The following KIAA1217 variants were observed in gnomAD, a reference collection of about 807,000 sequenced individuals.
KIAA1217 encodes sickle tail protein homolog.
A neutral mutation model predicts 163.9 loss-of-function variants in KIAA1217; 88 were observed. The ratio of observed to expected loss-of-function variants is 0.54; its 90% confidence interval spans 0.45 to 0.64. The LOEUF is 0.64. Ranked by LOEUF, KIAA1217 falls within the 30% of genes least tolerant of loss-of-function variation. The pLI, the probability that KIAA1217 is intolerant of heterozygous loss-of-function variation, is 0.00. For synonymous variants in KIAA1217, 903 were observed against 923.1 expected, an observed-to-expected ratio of 0.98 and a Z score of 0.39; for missense variants, 2,372 against 2,475.0, an observed-to-expected ratio of 0.96 and a Z score of 0.88.
chr10:23,830,956 G>A (rs1297051427), intron 1 of KIAA1217, among the ~76,000 whole-genome samples: 1 of 152,072 alleles, frequency 6.6e-6, no homozygotes, highest in African/African-American at 2.4e-5. Flanking sequence ...CAGGTATTGA[G>A]TATGACACAG....
chr10:23,852,051 A>G (rs1839369199), intron 1 of KIAA1217, among the ~76,000 whole-genome samples: 3 of 151,782 alleles, frequency 2.0e-5, no homozygotes, highest in East Asian at 1.9e-4. Flanking sequence ...GGCTTTTGTT[A>G]CCATTCCTTT....
chr10:24,134,686 A>G (rs901947821), intron 2 of KIAA1217, among the ~76,000 whole-genome samples: 2 of 152,072 alleles, frequency 1.3e-5, no homozygotes, highest in Non-Finnish European at 2.9e-5. Context: ...CGATCCTCCT[A>G]TCTTAGCCTC....
intron 2 of KIAA1217, among the ~76,000 whole-genome samples, chr10:24,283,903 T>TC (rs2078249147): frequency 7.6e-6 from 1 of 131,290 alleles, no homozygotes; most frequent in African/African-American, 2.7e-5. Context: ...TCTTTTCTTT[T>TC]CCTTTATTTT....
At chr10:23,890,837 G>A (rs1183203730) in intron 1 of KIAA1217, among the ~76,000 whole-genome samples, 1 of 151,902 alleles carries the variant, frequency 6.6e-6, no homozygotes, top group Non-Finnish European at 1.5e-5. Context: ...ACTACTAACA[G>A]AGCAATAATA....
At position 23,751,809 on chromosome 10, in the gene KIAA1217, T is replaced by G. The variant is rs190337124; in HGVS notation, c.-321+56575T>G. On this transcript the variant is annotated intron_variant, in intron 1 of 18. Coordinates refer to the KIAA1217 transcript ENST00000376462. ...GTGAGATTATCTGTCTTGAAGATAT[T>G]TGTGACTAATTACAAGCAGTGTAAC... 2.9e-4 allele frequency among the ~76,000 whole-genome samples: 44 copies of G among 152,302 alleles called. 1 individual carries two copies. Among genetic ancestry groups the G allele is most frequent in the Admixed American group, 1.6e-3 (25 of 15,302 alleles).
At chr10:24,017,125 T>C (rs1847519285) in intron 2 of KIAA1217, among the ~76,000 whole-genome samples, 1 of 150,390 alleles carries the variant, frequency 6.6e-6, no homozygotes, top group East Asian at 2.0e-4. Context: ...ACAGCATAGG[T>C]CACTACAGCC....
intron 16 of KIAA1217, among the ~76,000 whole-genome samples, chr10:24,534,138 T>C (rs1466646894): frequency 1.3e-5 from 2 of 152,156 alleles, no homozygotes; most frequent in African/African-American, 4.8e-5. Flanking sequence ...TTCTTTGGAG[T>C]AGGGAGAATT....
At chr10:24,193,841 CACACAA>C (rs1443103759) in intron 2 of KIAA1217, among the ~76,000 whole-genome samples, 100 of 121,350 alleles carry the variant, frequency 8.2e-4, no homozygotes, top group African/African-American at 2.7e-3. Context: ...CACACACACA[CACACAA>C]AGCAGTCACG....
chr10:24,243,882 G>T (rs925926855), intron 2 of KIAA1217, among the ~76,000 whole-genome samples: 1 of 152,074 alleles, frequency 6.6e-6, no homozygotes, highest in African/African-American at 2.4e-5. Context: ...ACACTTAATT[G>T]TCGTAGCGTT....
intron 2 of KIAA1217, among the ~76,000 whole-genome samples, chr10:24,034,322 C>T (rs1239414230): frequency 6.6e-6 from 1 of 151,910 alleles, no homozygotes; most frequent in African/African-American, 2.4e-5. Flanking sequence ...ACTTTGGGAG[C>T]CCAAGGTGGG....
chr10:24,277,046 G>A (rs981214702), intron 2 of KIAA1217, among the ~76,000 whole-genome samples: 1 of 152,148 alleles, frequency 6.6e-6, no homozygotes, highest in Non-Finnish European at 1.5e-5. Flanking sequence ...GATGTGAGCT[G>A]CCATGCCTGG....
intron 2 of KIAA1217, among the ~76,000 whole-genome samples, chr10:24,342,646 A>G (rs2047232254): frequency 7.0e-6 from 1 of 142,318 alleles, no homozygotes; most frequent in Non-Finnish European, 1.5e-5. Flanking sequence ...ATGCAGATAC[A>G]ACTCAATTTT....
At chr10:23,758,378 G>T (rs1588733233) in intron 1 of KIAA1217, among the ~76,000 whole-genome samples, 1 of 152,122 alleles carries the variant, frequency 6.6e-6, no homozygotes, top group South Asian at 2.1e-4. Flanking sequence ...ATATGCAAGG[G>T]TTTATTTCTG....
intron 4 of KIAA1217, among the ~76,000 whole-genome samples, chr10:24,434,480 G>A (rs754569452): frequency 3.9e-5 from 6 of 152,112 alleles, no homozygotes; most frequent in African/African-American, 7.2e-5. Flanking sequence ...TGGCACTACC[G>A]GCACATGCCA....
At chr10:23,994,119 C>T (rs1038398920) in intron 1 of KIAA1217, among the ~76,000 whole-genome samples, 6 of 152,136 alleles carry the variant, frequency 3.9e-5, no homozygotes, top group African/African-American at 1.4e-4. Flanking sequence ...GATTTAGAGT[C>T]GTCTTTGGTC....
intron 2 of KIAA1217, among the ~76,000 whole-genome samples, chr10:24,286,325 T>C (rs1483642209): frequency 1.3e-5 from 2 of 152,148 alleles, no homozygotes; most frequent in African/African-American, 2.4e-5. Flanking sequence ...AATGTGATCA[T>C]CAACTTCTTA....
intron 2 of KIAA1217, among the ~76,000 whole-genome samples, chr10:24,246,067 C>T (rs75238629): frequency 1.6e-3 from 240 of 152,222 alleles, no homozygotes; most frequent in African/African-American, 5.3e-3. Flanking sequence ...AAGGGTTGCA[C>T]GGGCTCCGTT....
intron 2 of KIAA1217, among the ~76,000 whole-genome samples, chr10:24,037,581 AT>A (rs1203502117): frequency 6.6e-6 from 1 of 152,248 alleles, no homozygotes. Flanking sequence ...TGATCTCAGT[AT>A]GGAAGTCTTA....
intron 8 of KIAA1217, among the ~76,000 whole-genome samples, chr10:24,500,106 C>T (rs1264811907): frequency 6.6e-6 from 1 of 152,120 alleles, no homozygotes; most frequent in Non-Finnish European, 1.5e-5. Context: ...CCAGGGTCTG[C>T]AAGTGGCCAG....
Sources: gnomAD v4.1 joint callset for allele counts (sites outside exome capture counted in the v4.1 genomes callset) on GRCh38, gnomAD v4.1.1 for gene constraint, MANE v1.5 for transcripts, NCBI Gene and HGNC (gene_info 2026-07-23, HGNC 2026-07-21) for gene names.